GPHN: variants seen among roughly 807,000 people sequenced by gnomAD.
GPHN encodes gephyrin.
GPHN carries 17 observed loss-of-function variants against 95.5 expected under a neutral mutation model. The ratio of observed to expected loss-of-function variants is 0.18; its 90% CI spans 0.12 to 0.27. GPHN has a LOEUF of 0.27. GPHN is among the 10% of genes least tolerant of loss of function. The probability of loss-of-function intolerance (pLI) is 1.00; values close to 1 mark genes in which losing one functional copy is unlikely to be tolerated. For missense variants in GPHN, 660 were observed against 978.1 expected (o/e 0.67, Z 4.34); for synonymous variants, 320 against 322.5 (o/e 0.99, Z 0.08).
At chr14:66,835,400 T>C (rs1051981586) in intron 4 of GPHN, among the ~76,000 whole-genome samples, 4 of 152,100 alleles carry the variant, frequency 2.6e-5, no homozygotes, top group African/African-American at 9.7e-5. Context: ...TTTAGTGCTA[T>C]AAATTTCCCT....
chr14:67,485,373 C>G, the GPHN span, among the ~76,000 whole-genome samples: 2 of 152,202 alleles, frequency 1.3e-5, no homozygotes. Flanking sequence ...ACTTTGTAAG[C>G]CCAGGCTGAG....
the GPHN span, among the ~76,000 whole-genome samples, chr14:67,277,593 CTT>C: frequency 9.2e-4 from 139 of 150,762 alleles, 3 homozygotes; most frequent in South Asian, 0.029. Context: ...TATTATTGCT[CTT>C]GAGTGAAAAA....
the GPHN span, among the ~76,000 whole-genome samples, chr14:67,688,317 T>A: frequency 6.6e-6 from 1 of 152,108 alleles, no homozygotes; most frequent in Non-Finnish European, 1.5e-5. Flanking sequence ...AGGAAATACA[T>A]AAATACACTA....
chr14:67,303,657 T>G, the GPHN span: 2 of 1,139,308 alleles, frequency 1.8e-6, no homozygotes, highest in Non-Finnish European at 2.7e-6. Context: ...TTACTTCTGT[T>G]ACTGTTTACT....
intron 5 of GPHN, among the ~76,000 whole-genome samples, chr14:66,896,678 G>T (rs1165176768): frequency 6.6e-6 from 1 of 151,966 alleles, no homozygotes; most frequent in African/African-American, 2.4e-5. Flanking sequence ...AGTTAAGTAT[G>T]CATATTAAAC....
At chr14:67,542,929 A>G in the GPHN span, among the ~76,000 whole-genome samples, 11 of 152,106 alleles carry the variant, frequency 7.2e-5, no homozygotes, top group African/African-American at 2.7e-4. Flanking sequence ...CGAACTCCCA[A>G]CCTCAGGTGA....
chr14:67,665,870 AG>A, the GPHN span, among the ~76,000 whole-genome samples: 1 of 152,170 alleles, frequency 6.6e-6, no homozygotes, highest in African/African-American at 2.4e-5. Context: ...AAAAAGGTAG[AG>A]GAAGGTTCAC....
At chr14:67,596,800 T>C in the GPHN span, among the ~76,000 whole-genome samples, 2 of 152,208 alleles carry the variant, frequency 1.3e-5, no homozygotes, top group African/African-American at 2.4e-5. Flanking sequence ...TTTGGGTAAT[T>C]TTCCATCCAC....
intron 8 of GPHN, among the ~76,000 whole-genome samples, chr14:66,936,899 A>G (rs2067158853): frequency 6.6e-6 from 1 of 152,228 alleles, no homozygotes; most frequent in Non-Finnish European, 1.5e-5. Context: ...CATTATTATT[A>G]GTTTTCTTCA....
At chr14:67,204,758 C>T in the GPHN span, 107 of 1,613,448 alleles carry the variant, frequency 6.6e-5, no homozygotes, top group Non-Finnish European at 8.2e-5. Context: ...TCAGGAATTA[C>T]GAATAGCACA....
At chr14:67,226,840 G>C in the GPHN span, among the ~76,000 whole-genome samples, 1 of 152,150 alleles carries the variant, frequency 6.6e-6, no homozygotes, top group Non-Finnish European at 1.5e-5. Flanking sequence ...CCTTAAGAAT[G>C]CTCCTAATAT....
intron 10 of GPHN, among the ~76,000 whole-genome samples, chr14:67,024,699 G>C (rs1315540391): frequency 6.6e-6 from 1 of 152,132 alleles, no homozygotes; most frequent in African/African-American, 2.4e-5. Flanking sequence ...ATTTCTCCCA[G>C]CAGCAATGTA....
At chr14:67,411,772 G>A in the GPHN span, among the ~76,000 whole-genome samples, 2 of 152,190 alleles carry the variant, frequency 1.3e-5, no homozygotes, top group Non-Finnish European at 2.9e-5. Flanking sequence ...CCCCTGCCCC[G>A]ACTCCATACT....
intron 4 of GPHN, among the ~76,000 whole-genome samples, chr14:66,868,457 G>C (rs1267579968): frequency 6.6e-6 from 1 of 151,948 alleles, no homozygotes; most frequent in South Asian, 2.1e-4. Flanking sequence ...TCAATGGCAC[G>C]ATTTCGGCTC....
At chr14:66,940,571 A>G (rs1407974779) in intron 8 of GPHN, among the ~76,000 whole-genome samples, 1 of 152,232 alleles carries the variant, frequency 6.6e-6, no homozygotes, top group Admixed American at 6.5e-5. Flanking sequence ...CACTGCTGTC[A>G]GTAGCCTTGA....
chr14:67,329,543 C>T, the GPHN span, among the ~76,000 whole-genome samples: 7,342 of 152,152 alleles, frequency 0.048, 344 homozygotes, highest in African/African-American at 0.12. Flanking sequence ...AGAGGGCATC[C>T]CTGTCTTGCG....
At chr14:66,803,148 C>G (rs370430744) in intron 3 of GPHN, among the ~76,000 whole-genome samples, 5 of 152,250 alleles carry the variant, frequency 3.3e-5, no homozygotes, top group African/African-American at 9.6e-5. Context: ...CAGCAGTTCC[C>G]CTATGGCTAG....
At chr14:67,204,648 A>G in the GPHN span, 7 of 1,613,804 alleles carry the variant, frequency 4.3e-6, no homozygotes, top group Admixed American at 1.2e-4. Context: ...GCACCTCTGC[A>G]TATAAACAGG....
the GPHN span, among the ~76,000 whole-genome samples, chr14:67,232,150 T>C: frequency 6.6e-6 from 1 of 152,108 alleles, no homozygotes; most frequent in Non-Finnish European, 1.5e-5. Context: ...GACAATAAGA[T>C]GGCAGTGGTG....
Sources: allele counts gnomAD v4.1 joint callset (sites outside exome capture counted in the v4.1 genomes callset), GRCh38; gene constraint gnomAD v4.1.1; transcripts MANE v1.5; gene names NCBI Gene and HGNC (gene_info 2026-07-23, HGNC 2026-07-21).